Variants in FNBP1 observed in about 807,000 individuals in gnomAD.
FNBP1 encodes formin binding protein 1, also known as formin-binding protein 1.
Under a neutral mutation model 90.6 loss-of-function variants are expected in FNBP1, and 26 were observed. That is an observed-to-expected ratio of 0.29 (90% confidence interval 0.21 to 0.40). The LOEUF (loss-of-function observed/expected upper bound fraction) is 0.40, where lower values mean the gene tolerates loss of function less well. Ranked by LOEUF, FNBP1 falls within the 10% of genes least tolerant of loss-of-function variation. The probability of loss-of-function intolerance (pLI) is 1.00; values close to 1 mark genes in which losing one functional copy is unlikely to be tolerated. For missense variants in FNBP1, 635 were observed against 768.0 expected, an observed-to-expected ratio of 0.83 and a Z score of 2.05; for synonymous variants, 260 against 265.2, an observed-to-expected ratio of 0.98 and a Z score of 0.19.
chr9:130,001,579 T>C lies in FNBP1; in HGVS notation c.25-6621A>G, dbSNP rs776633215. On this transcript the variant is annotated intron_variant, in intron 1 of 16. Coordinates refer to ENST00000446176, the MANE Select transcript of FNBP1 (RefSeq NM_015033.3). ...TTGAGAACCACTATCATATAACATATATGCTAAAATTTCTATTTCAGGTTG... is the reference window on the plus strand; with the variant it reads ...TTGAGAACCACTATCATATAACATACATGCTAAAATTTCTATTTCAGGTTG... 3.7e-4 allele frequency among the ~76,000 whole-genome samples: 57 copies of C among 152,064 alleles called. 1 individual carries two copies. Among genetic ancestry groups the C allele is most frequent in the Middle Eastern group, 3.2e-3 (1 of 314 alleles).
chr9:129,914,279 C>G (rs774164285), intron 11 of FNBP1, among the ~76,000 whole-genome samples: 1 of 151,644 alleles, frequency 6.6e-6, no homozygotes, highest in African/African-American at 2.4e-5. Flanking sequence ...CTCAGGCAAT[C>G]TTCCTGCCTC....
At position 129,978,295 on chromosome 9, in the gene FNBP1, A is replaced by G. The variant is rs1014960776; in HGVS notation, c.345+170T>C. Reference sequence around the variant, plus strand: ...CGGCCTCCCAAAGTCCTGGGATTACAGGCATGAGCCACCGTGCCCAGCTGG... The same window carrying G: ...CGGCCTCCCAAAGTCCTGGGATTACGGGCATGAGCCACCGTGCCCAGCTGG... On this transcript the variant is annotated intron_variant, in intron 4 of 16. Coordinates refer to ENST00000446176, the MANE Select transcript of FNBP1 (RefSeq NM_015033.3). 5.2e-6 allele frequency: 3 copies of G among 572,448 alleles called. No individual in the cohort carries two copies. In the African/African-American group the frequency reaches 5.8e-5, roughly 11 times the overall value. 35.5% of individuals were successfully genotyped at this position (572,448 alleles called of 1,614,324 possible). A position where few individuals can be genotyped will look rare whatever the true frequency, so the allele number is the denominator to read the frequency against.
intron 4 of FNBP1, among the ~76,000 whole-genome samples, chr9:129,959,546 G>A (rs2047481098): frequency 6.6e-6 from 1 of 152,090 alleles, no homozygotes; most frequent in Admixed American, 6.5e-5. Flanking sequence ...CTGAGATCGT[G>A]CTAATGCACT....
In FNBP1 at chr9:129,890,324, T is replaced by G. The variant is rs1588309126; in HGVS notation, c.*215A>C. On this transcript the variant is annotated 3_prime_UTR_variant, in exon 17 of 17. Transcript: ENST00000446176. This position sits in a 1 kb window ranked among gnomAD's most constrained non-coding sequence, Gnocchi z 5.8. The stretch of plus-strand genomic sequence containing the variant: ...TGAGGACTGACCCGAGCCATGGGGG[T>G]GGGCGCTGGCGAGACTTGTCCCCCA... 1.3e-5 allele frequency: 7 copies of G among 518,684 alleles called. No homozygotes were observed. Among genetic ancestry groups the G allele is most frequent in the Admixed American group, 3.4e-5 (1 of 29,152 alleles). 32.1% of individuals were successfully genotyped at this position (518,684 alleles called of 1,614,324 possible).
chr9:129,990,617 A>T (rs533162524), intron 2 of FNBP1, among the ~76,000 whole-genome samples: 1 of 152,296 alleles, frequency 6.6e-6, no homozygotes, highest in South Asian at 2.1e-4. Flanking sequence ...AGGTTTTTGG[A>T]TTTACTCTGA....
chr9:129,916,473 C>T (rs868390353), intron 10 of FNBP1, among the ~76,000 whole-genome samples: 6 of 151,888 alleles, frequency 4.0e-5, no homozygotes, highest in Admixed American at 2.6e-4. Flanking sequence ...CAGTATTAGC[C>T]GGGTGTGGTG....
chr9:129,924,157 T>G, intron 9 of FNBP1, 131 bp from the exon 10 acceptor site: 2 of 919,850 alleles, frequency 2.2e-6, no homozygotes, highest in South Asian at 1.7e-5. Flanking sequence ...TAGGCCATGG[T>G]CCAAAAGAAA....
chr9:129,991,616 C>T (rs1398196377), intron 2 of FNBP1, among the ~76,000 whole-genome samples: 2 of 151,084 alleles, frequency 1.3e-5, no homozygotes, highest in East Asian at 1.9e-4. Flanking sequence ...CAGTTTCAGA[C>T]ATGTTACATT....
intron 4 of FNBP1, among the ~76,000 whole-genome samples, chr9:129,959,596 T>TA (rs1040586786): frequency 9.2e-5 from 14 of 151,786 alleles, no homozygotes; most frequent in East Asian, 1.9e-4. Flanking sequence ...TCTCAAAAAA[T>TA]AAAAAAATAA....
At chr9:130,021,980 G>A (rs939657933) in intron 1 of FNBP1, among the ~76,000 whole-genome samples, 1 of 152,004 alleles carries the variant, frequency 6.6e-6, no homozygotes, top group Non-Finnish European at 1.5e-5. Context: ...TCCCACCTAA[G>A]CCTCCCAAGT....
chr9:129,936,023 C>A (rs116858488), intron 6 of FNBP1, among the ~76,000 whole-genome samples: 3,518 of 152,244 alleles, frequency 0.023, 70 homozygotes, highest in South Asian at 0.042. Flanking sequence ...GCAAAAACCA[C>A]AATTACTTTT....
At chr9:129,933,514 A>T (rs2043044387) in intron 6 of FNBP1, 1 of 152,192 alleles carries the variant, frequency 6.6e-6, no homozygotes, top group South Asian at 2.1e-4. Flanking sequence ...GTTTCTATGC[A>T]GTAATCCTGA....
chr9:130,020,541 T>A (rs1315702018), intron 1 of FNBP1, among the ~76,000 whole-genome samples: 1 of 152,172 alleles, frequency 6.6e-6, no homozygotes, highest in African/African-American at 2.4e-5. Flanking sequence ...TTTGTTTTAC[T>A]AAGTGCTGCC....
chr9:129,899,592 G>A (rs963252931), intron 15 of FNBP1, among the ~76,000 whole-genome samples: 1 of 152,046 alleles, frequency 6.6e-6, no homozygotes, highest in Admixed American at 6.6e-5. Flanking sequence ...AGCCGGACAT[G>A]GTGGTGCTTG....
the FNBP1 span, among the ~76,000 whole-genome samples, chr9:130,048,491 C>CTTTT: frequency 3.8e-5 from 4 of 105,084 alleles, no homozygotes; most frequent in South Asian, 3.3e-4. Context: ...CCTCAGTTTC[C>CTTTT]TTTTTTTTTT....
intron 1 of FNBP1, among the ~76,000 whole-genome samples, chr9:130,029,941 G>A (rs945720893): frequency 1.3e-5 from 2 of 151,934 alleles, no homozygotes; most frequent in African/African-American, 4.8e-5. Flanking sequence ...CCTTGATTGA[G>A]CCACTGTACT....
Position 129,889,556 on chromosome 9 carries a change from C to T in FNBP1, c.*983G>A, listed in dbSNP as rs138381480. 32 of 195,102 alleles carry T rather than the reference C, an allele frequency of 1.6e-4. No individual in the cohort carries two copies. The East Asian group carries it at 2.4e-3, about 14-fold the overall frequency. 12.1% of individuals were successfully genotyped at this position (195,102 alleles called of 1,614,324 possible). A position where few individuals can be genotyped will look rare whatever the true frequency, so the allele number is the denominator to read the frequency against. On this transcript the variant is annotated 3_prime_UTR_variant, in exon 17 of 17. Coordinates refer to ENST00000446176, the MANE Select transcript of FNBP1 (RefSeq NM_015033.3). ...CTGCACTCCAGTCTGAACAATAGAG[C>T]GAGACTCCCGTCTCAAAAAAAAAAA...
Position 130,041,723 on chromosome 9 carries a change from G to T in FNBP1, c.24+1229C>A, listed in dbSNP as rs2059835450. Among the ~76,000 whole-genome samples the T allele has an allele frequency of 6.6e-6, 1 of 152,148 alleles. No individual in the cohort carries two copies. The highest frequency in any genetic ancestry group is 1.5e-5 in the Non-Finnish European group (1 of 68,038). On this transcript the variant is annotated intron_variant, in intron 1 of 16. Transcript: ENST00000446176. This position sits in a 1 kb window ranked among gnomAD's most constrained non-coding sequence, Gnocchi z 4.3. ...CAGGATTTTGGTAATAACAACCGTA[G>T]CTGCTTCTGTACCTAACAAATGGTT...
intron 13 of FNBP1, among the ~76,000 whole-genome samples, chr9:129,901,948 A>G (rs774596651): frequency 6.6e-6 from 1 of 152,198 alleles, no homozygotes; most frequent in East Asian, 1.9e-4. Context: ...TTGACCCTTC[A>G]TTGCTGGAAA....
Sources: gnomAD v4.1 joint callset for allele counts (sites outside exome capture counted in the v4.1 genomes callset) on GRCh38, gnomAD v4.1.1 for gene constraint, Gnocchi (gnomAD v3.1) non-coding constraint, MANE v1.5 for transcripts, NCBI Gene and HGNC (gene_info 2026-07-23, HGNC 2026-07-21) for gene names.